The following PDE1A variants were observed in gnomAD, a reference collection of about 807,000 sequenced individuals.
The protein encoded by PDE1A is dual specificity calcium/calmodulin-dependent 3',5'-cyclic nucleotide phosphodiesterase 1A.
Under a neutral mutation model 61.7 loss-of-function variants are expected in PDE1A, and 35 were observed. The ratio of observed to expected loss-of-function variants is 0.57; its 90% CI spans 0.43 to 0.75. The LOEUF is 0.75. PDE1A is among the 30% of genes least tolerant of loss of function. PDE1A has a pLI of 0.00. For missense variants in PDE1A, 597 were observed against 630.6 expected, an observed-to-expected ratio of 0.95 and a Z score of 0.57; for synonymous variants, 232 against 213.2, an observed-to-expected ratio of 1.09 and a Z score of -0.77.
the PDE1A span, among the ~76,000 whole-genome samples, chr2:182,621,222 A>G: frequency 2.6e-5 from 4 of 152,290 alleles, no homozygotes; most frequent in African/African-American, 9.6e-5. Context: ...TCTCCAGGTA[A>G]TATCTTAGAA....
chr2:182,231,853 T>A (rs1689608950), intron 4 of PDE1A, among the ~76,000 whole-genome samples: 1 of 152,072 alleles, frequency 6.6e-6, no homozygotes, highest in African/African-American at 2.4e-5. Flanking sequence ...AGGCAGAGGT[T>A]GCAGTGAGCC....
the PDE1A span, among the ~76,000 whole-genome samples, chr2:182,713,039 T>C: frequency 6.6e-6 from 1 of 152,180 alleles, no homozygotes; most frequent in Admixed American, 6.5e-5. Context: ...ATTCTGGTGA[T>C]CTTTTTGTTC....
At chr2:182,488,787 T>C (rs1181182445) in intron 2 of PDE1A, among the ~76,000 whole-genome samples, 1 of 152,216 alleles carries the variant, frequency 6.6e-6, no homozygotes, top group Non-Finnish European at 1.5e-5. Context: ...ACAGAAATTA[T>C]GTAAAACACA....
At chr2:182,702,931 T>C in the PDE1A span, among the ~76,000 whole-genome samples, 2 of 152,226 alleles carry the variant, frequency 1.3e-5, no homozygotes, top group African/African-American at 2.4e-5. Flanking sequence ...TTTCTTGTGA[T>C]CTTTCAGATA....
At chr2:182,154,448 G>A (rs536566880) in intron 13 of PDE1A, among the ~76,000 whole-genome samples, 1 of 152,240 alleles carries the variant, frequency 6.6e-6, no homozygotes, top group East Asian at 1.9e-4. Context: ...TGGTTTAGCT[G>A]TGTCCCCACC....
Position 182,246,409 on chromosome 2 carries a change from T to C in PDE1A, c.168-6117A>G, listed in dbSNP as rs1274974432. ...AGTCTTTTTTCTTTTTTCTTTCTTT[T>C]TTTTTTTTTTTTTTGACAGAGTCTT... On this transcript the variant is annotated intron_variant, in intron 2 of 13. Transcript: ENST00000351439. Among the ~76,000 whole-genome samples, 582 of 143,116 alleles carry C rather than the reference T, an allele frequency of 4.1e-3. 13 individuals carry two copies. Among genetic ancestry groups the C allele is most frequent in the African/African-American group, 0.014 (540 of 39,030 alleles). The allele number at this position is 143,116 out of a possible 152,430, so 93.9% of individuals were successfully genotyped here.
the PDE1A span, among the ~76,000 whole-genome samples, chr2:182,639,926 T>A: frequency 8.0e-5 from 12 of 150,510 alleles, no homozygotes; most frequent in South Asian, 2.5e-3. Context: ...GGACACATTA[T>A]TCAGAAAAAA....
At chr2:182,234,125 T>C (rs1689810077) in intron 4 of PDE1A, among the ~76,000 whole-genome samples, 2 of 152,180 alleles carry the variant, frequency 1.3e-5, no homozygotes, top group Admixed American at 1.3e-4. Flanking sequence ...TTTTGACAAG[T>C]ACTAGTGCCA....
chr2:182,565,871 C>T, the PDE1A span, among the ~76,000 whole-genome samples: 5 of 152,106 alleles, frequency 3.3e-5, no homozygotes, highest in Non-Finnish European at 7.4e-5. Context: ...TTAATCCACT[C>T]TTCGTAGAAA....
At chr2:182,150,331 G>A (rs751569020) in intron 13 of PDE1A, among the ~76,000 whole-genome samples, 4 of 152,102 alleles carry the variant, frequency 2.6e-5, no homozygotes, top group African/African-American at 9.7e-5. Context: ...CAGAATAATC[G>A]GTTGACTTTC....
intron 10 of PDE1A, among the ~76,000 whole-genome samples, chr2:182,190,823 G>T (rs965618568): frequency 6.6e-6 from 1 of 152,014 alleles, no homozygotes; most frequent in South Asian, 2.1e-4. Context: ...AGGTGTGGTG[G>T]CATGTGCCTG....
intron 8 of PDE1A, among the ~76,000 whole-genome samples, chr2:182,203,787 T>A (rs910933564): frequency 6.6e-6 from 1 of 151,900 alleles, no homozygotes. Context: ...TAAACAGATA[T>A]GTAAACAGAA....
chr2:182,326,732 A>G lies in PDE1A; in HGVS notation c.54-62318T>C, dbSNP rs116757697. On this transcript the variant is annotated intron_variant, in intron 1 of 13. Coordinates refer to ENST00000351439, the Ensembl canonical transcript of PDE1A. Reference sequence around the variant, plus strand: ...AATTTTATGTTATTTTATCACAATAATAATTTTTTCTTAAAGACTATCCCT... The same window carrying G: ...AATTTTATGTTATTTTATCACAATAGTAATTTTTTCTTAAAGACTATCCCT... Among the ~76,000 whole-genome samples the G allele has an allele frequency of 3.7e-3, 556 of 152,306 alleles. 3 individuals carry two copies. The highest frequency in any genetic ancestry group is 0.013 in the African/African-American group (532 of 41,566).
At chr2:182,604,065 C>A in the PDE1A span, among the ~76,000 whole-genome samples, 1 of 151,626 alleles carries the variant, frequency 6.6e-6, no homozygotes, top group African/African-American at 2.4e-5. Flanking sequence ...AGTATACATG[C>A]CCAGAACTAT....
chr2:182,460,465 C>T (rs149062715), intron 2 of PDE1A, among the ~76,000 whole-genome samples: 64 of 152,258 alleles, frequency 4.2e-4, no homozygotes, highest in African/African-American at 1.5e-3. Flanking sequence ...CCTCTAACTC[C>T]TGGGCTCAAA....
chr2:182,484,697 G>T (rs576353500), intron 2 of PDE1A, among the ~76,000 whole-genome samples: 27 of 151,722 alleles, frequency 1.8e-4, no homozygotes, highest in Non-Finnish European at 3.7e-4. Flanking sequence ...TTAAAAAGTG[G>T]GCAAAAGACA....
the PDE1A span, among the ~76,000 whole-genome samples, chr2:182,530,829 AAAAAAC>A: frequency 6.6e-6 from 1 of 152,196 alleles, no homozygotes; most frequent in Non-Finnish European, 1.5e-5. Context: ...AAACATCAGG[AAAAAAC>A]AAAAAGCACA....
At chr2:182,594,887 T>C in the PDE1A span, among the ~76,000 whole-genome samples, 1 of 152,174 alleles carries the variant, frequency 6.6e-6, no homozygotes, top group East Asian at 1.9e-4. Flanking sequence ...TTCTGGATAA[T>C]GGGAGGCCTG....
At chr2:182,478,323 T>C (rs1248962982) in intron 2 of PDE1A, among the ~76,000 whole-genome samples, 2 of 151,006 alleles carry the variant, frequency 1.3e-5, no homozygotes, top group East Asian at 3.9e-4. Flanking sequence ...AGTCAAATAC[T>C]GAGCTGGTTA....
Sources: allele counts gnomAD v4.1 joint callset (sites outside exome capture counted in the v4.1 genomes callset), GRCh38; gene constraint gnomAD v4.1.1; transcripts MANE v1.5; gene names NCBI Gene and HGNC (gene_info 2026-07-23, HGNC 2026-07-21).